The following GNAS variants were observed in gnomAD, a reference collection of about 807,000 sequenced individuals.
GNAS encodes GNAS complex locus, also known as protein ALEX.
A neutral mutation model predicts 54.5 loss-of-function variants in GNAS; 8 were observed. That is an observed-to-expected ratio of 0.15 (90% CI 0.09 to 0.26). The LOEUF (loss-of-function observed/expected upper bound fraction) is 0.26, where lower values mean the gene tolerates loss of function less well. Among genes scored for constraint, GNAS ranks in the 10% least tolerant of loss-of-function variants. The probability of loss-of-function intolerance (pLI) is 1.00; values close to 1 mark genes in which losing one functional copy is unlikely to be tolerated. For synonymous variants in GNAS, 204 were observed against 191.4 expected, an observed-to-expected ratio of 1.07 and a Z score of -0.54; for missense variants, 170 against 529.8, an observed-to-expected ratio of 0.32 and a Z score of 6.67.
At chr20:58,875,001 A>G (rs911527883) in intron 1 of GNAS, among the ~76,000 whole-genome samples, 7 of 152,198 alleles carry the variant, frequency 4.6e-5, no homozygotes, top group African/African-American at 1.4e-4. Context: ...TGTAACTATC[A>G]CAGCATATGA....
chr20:58,889,442 C>CCT, upstream of GNAS: 5 of 840,376 alleles, frequency 5.9e-6, no homozygotes, highest in Non-Finnish European at 7.2e-6. Context: ...GGCAGGGGCG[C>CCT]CCGGGCGCCG....
At chr20:58,882,917 C>T (rs2088335203) in intron 1 of GNAS, 1 of 152,126 alleles carries the variant, frequency 6.6e-6, no homozygotes, top group African/African-American at 2.4e-5. Context: ...ATATTTTTAC[C>T]TGCGCAGTAC....
Position 58,909,050 on chromosome 20 carries a change from A to G in GNAS, c.531-112A>G. ...AAATGTGCCATTGACTTAGTGCTGC[A>G]TAACTGTGGGACGGTCACTTCCGTT... On this transcript the variant is annotated intron_variant, in intron 6 of 12. Coordinates refer to ENST00000371085, the MANE Select transcript of GNAS (RefSeq NM_000516.7). This position sits in a 1 kb window ranked among gnomAD's most constrained non-coding sequence, Gnocchi z 7.3. 1.1e-6 allele frequency: 1 copy of G among 881,604 alleles called. No individual in the cohort carries two copies. Among genetic ancestry groups the G allele is most frequent in the Non-Finnish European group, 1.9e-6 (1 of 513,936 alleles). The allele number at this position is 881,604 out of a possible 1,614,324, so 54.6% of individuals were successfully genotyped here.
intron 1 of GNAS, chr20:58,855,514 T>C (rs1474581070): frequency 2.7e-6 from 2 of 730,834 alleles, no homozygotes; most frequent in Non-Finnish European, 5.0e-6. Flanking sequence ...CGGGAGGGGA[T>C]CTTTGGTGGA....
chr20:58,876,330 T>C (rs776235527), intron 1 of GNAS, among the ~76,000 whole-genome samples: 9 of 152,190 alleles, frequency 5.9e-5, no homozygotes, highest in Admixed American at 3.3e-4. Flanking sequence ...CCTCCCATAA[T>C]GTGTATTTGA....
intron 1 of GNAS, among the ~76,000 whole-genome samples, chr20:58,882,379 C>T (rs1353903575): frequency 1.3e-5 from 2 of 152,210 alleles, no homozygotes; most frequent in Admixed American, 6.5e-5. Context: ...CAGGGAGCAA[C>T]GGCTCCATTC....
At chr20:58,854,368 C>T (rs903152482) in intron 1 of GNAS, 15 of 1,573,712 alleles carry the variant, frequency 9.5e-6, no homozygotes, top group Non-Finnish European at 1.3e-5. Context: ...GCTGATGCCG[C>T]GGAGGGAGGA....
At chr20:58,895,386 T>C in intron 1 of GNAS, 1 of 541,084 alleles carries the variant, frequency 1.8e-6, no homozygotes, top group South Asian at 2.1e-5. Context: ...AAACCTTAAA[T>C]TCTTGTTTGT....
At position 58,840,967 on chromosome 20, in the gene GNAS, C is replaced by A; in HGVS notation, c.43+81C>A. The A allele has an allele frequency of 1.4e-6, 2 of 1,457,590 alleles. No individual in the cohort carries two copies. Among genetic ancestry groups the A allele is most frequent in the East Asian group, 2.4e-5 (1 of 41,834 alleles). 90.3% of individuals were successfully genotyped at this position (1,457,590 alleles called of 1,614,324 possible). On this transcript the variant is annotated intron_variant, in intron 1 of 12. Coordinates refer to the GNAS transcript ENST00000306090. This position sits in a 1 kb window ranked among gnomAD's most constrained non-coding sequence, Gnocchi z 6.0. The stretch of plus-strand genomic sequence containing the variant: ...GTGGAAAGGAGGTGAGAAGGAAAGG[C>A]AGGTCAGGGGCGAGTGGGAAGAGAG...
chr20:58,852,237 C>T (rs572117432), intron 1 of GNAS, among the ~76,000 whole-genome samples: 2 of 152,108 alleles, frequency 1.3e-5, no homozygotes, highest in Non-Finnish European at 2.9e-5. Flanking sequence ...TGGGCCACTG[C>T]GGAGACCCCT....
chr20:58,902,661 C>T (rs532566211), intron 3 of GNAS, among the ~76,000 whole-genome samples: 1 of 148,108 alleles, frequency 6.8e-6, no homozygotes, highest in South Asian at 2.3e-4. Context: ...CCAACATGCA[C>T]TAACATCATG....
At chr20:58,895,252 C>T (rs747727371) in intron 1 of GNAS, 1 of 354,260 alleles carries the variant, frequency 2.8e-6, no homozygotes, top group Non-Finnish European at 5.5e-6. Context: ...TTCAGTTTCA[C>T]AGTTTTAACT....
At chr20:58,878,000 A>C (rs1450152391) in intron 1 of GNAS, among the ~76,000 whole-genome samples, 2 of 152,004 alleles carry the variant, frequency 1.3e-5, no homozygotes, top group Non-Finnish European at 2.9e-5. Flanking sequence ...GAGAGGGCGG[A>C]AAAAAAACAA....
Position 58,910,787 on chromosome 20 carries a change from C to A in GNAS, c.1143C>A (p.Asp381Glu). The change falls in exon 13 of 13, where the codon GAC becomes GAA. Residue 381 changes from aspartate (D) to glutamate (E), a missense_variant. Physicochemically the swap from Asp to Glu is conservative, Grantham distance 45. Coordinates refer to ENST00000371085, the MANE Select transcript of GNAS (RefSeq NM_000516.7). This position sits in a 1 kb window ranked among gnomAD's most constrained non-coding sequence, Gnocchi z 5.8. ...NIRRVFNDCR[D>E]IIQRMHLRQY... is the part of the protein sequence containing the mutation. ...GCCGTGTGTTCAACGACTGCCGTGACATCATTCAGCGCATGCACCTTCGTC... is the reference window on the plus strand; with the variant it reads ...GCCGTGTGTTCAACGACTGCCGTGAAATCATTCAGCGCATGCACCTTCGTC... The A allele has an allele frequency of 6.2e-7, 1 of 1,614,150 alleles. No individual in the cohort carries two copies. Among genetic ancestry groups the A allele is most frequent in the Non-Finnish European group, 8.5e-7 (1 of 1,179,994 alleles).
chr20:58,906,480 C>A (rs2091054935), intron 6 of GNAS, among the ~76,000 whole-genome samples: 1 of 152,156 alleles, frequency 6.6e-6, no homozygotes, highest in African/African-American at 2.4e-5. Context: ...CCTCATCTTG[C>A]ACATGATATA....
In GNAS at chr20:58,891,693, A is replaced by AGCCCGGCCGCGCCCCGCCGCC; in HGVS notation, c.-30_-10dup. On this transcript the variant is annotated 5_prime_UTR_variant, in exon 1 of 13. Coordinates refer to ENST00000371085, the MANE Select transcript of GNAS (RefSeq NM_000516.7). ...GGCCGCCCGCGCCCGCCGCCGCCGC[A>AGCCCGGCCGCGCCCCGCCGCC]GCCCGGCCGCGCCCCGCCGCCGCCG... is the stretch of plus-strand genomic sequence containing the variant. The AGCCCGGCCGCGCCCCGCCGCC allele has an allele frequency of 1.0e-6, 1 of 984,250 alleles. No individual in the cohort carries two copies. Among genetic ancestry groups the AGCCCGGCCGCGCCCCGCCGCC allele is most frequent in the Non-Finnish European group, 1.2e-6 (1 of 827,546 alleles). The allele number at this position is 984,250 out of a possible 1,614,324, so 61.0% of individuals were successfully genotyped here.
rs2091253616 is a variant in GNAS at position 58,908,915 on chromosome 20, T to C, written c.531-247T>C. ...TGCGTCGAGGCCACAGGCTAGCTGC[T>C]AGACGCATCTAGAGTTCCCTGATTC... On this transcript the variant is annotated intron_variant, in intron 6 of 12. Coordinates refer to ENST00000371085, the MANE Select transcript of GNAS (RefSeq NM_000516.7). 5 of 599,188 alleles carry C rather than the reference T, an allele frequency of 8.3e-6. No homozygotes were observed. In the East Asian group the frequency reaches 1.2e-4, roughly 14 times the overall value. The allele number at this position is 599,188 out of a possible 1,614,324, so 37.1% of individuals were successfully genotyped here. A position where few individuals can be genotyped will look rare whatever the true frequency, so the allele number is the denominator to read the frequency against.
intron 1 of GNAS, among the ~76,000 whole-genome samples, chr20:58,869,925 G>C (rs1447039732): frequency 1.3e-5 from 2 of 152,134 alleles, no homozygotes; most frequent in Admixed American, 6.5e-5. Context: ...ATGGTGTCTG[G>C]GTCAAATTCC....
In GNAS at chr20:58,910,676, C is replaced by G. The variant is rs2146304681; in HGVS notation, c.1039-7C>G. On this transcript the variant is annotated splice_polypyrimidine_tract_variant and splice_region_variant and intron_variant, in intron 12 of 12. Coordinates refer to ENST00000371085, the MANE Select transcript of GNAS (RefSeq NM_000516.7). This position sits in a 1 kb window ranked among gnomAD's most constrained non-coding sequence, Gnocchi z 5.8. ...TCACTGACAAGTCCCCTTGTTTGTG[C>G]CCGCAGAGGATCAGCACTGCCAGTG... is the stretch of plus-strand genomic sequence containing the variant. 1 of 1,613,978 alleles carries G rather than the reference C, an allele frequency of 6.2e-7. No individual in the cohort carries two copies. Among genetic ancestry groups the G allele is most frequent in the Non-Finnish European group, 8.5e-7 (1 of 1,179,918 alleles).
Sources: allele counts gnomAD v4.1 joint callset (sites outside exome capture counted in the v4.1 genomes callset), GRCh38; gene constraint gnomAD v4.1.1; non-coding constraint Gnocchi (gnomAD v3.1); transcripts MANE v1.5; gene names NCBI Gene and HGNC (gene_info 2026-07-23, HGNC 2026-07-21).